TCF20: variants seen among roughly 807,000 people sequenced by gnomAD.
TCF20 encodes the protein transcription factor 20, also known as SPRE-binding protein.
Under a neutral mutation model 148.6 loss-of-function variants are expected in TCF20, and 3 were observed. The ratio of observed to expected loss-of-function variants is 0.02; its 90% CI spans 0.01 to 0.05. The LOEUF (loss-of-function observed/expected upper bound fraction) is 0.05. Among genes scored for constraint, TCF20 ranks in the 10% least tolerant of loss-of-function variants. The pLI is 1.00. For synonymous variants in TCF20, 1,049 were observed against 909.5 expected (o/e 1.15, Z -2.76); for missense variants, 2,350 against 2,429.3 (o/e 0.97, Z 0.69).
At chr22:42,216,682 T>C (rs1921839849) in intron 1 of TCF20, among the ~76,000 whole-genome samples, 1 of 152,206 alleles carries the variant, frequency 6.6e-6, no homozygotes, top group Non-Finnish European at 1.5e-5. Context: ...TCACAGTTAT[T>C]ACTGGCCATT....
chr22:42,256,931 A>G (rs146453058), intron 1 of TCF20, among the ~76,000 whole-genome samples: 167 of 152,286 alleles, frequency 1.1e-3, no homozygotes, highest in African/African-American at 3.9e-3. Flanking sequence ...GGCCTAGGCA[A>G]GAAGATTGCT....
At chr22:42,251,334 C>T (rs938463507) in intron 1 of TCF20, among the ~76,000 whole-genome samples, 10 of 151,866 alleles carry the variant, frequency 6.6e-5, no homozygotes, top group Admixed American at 1.3e-4. Flanking sequence ...TATAGGTGCA[C>T]GCTAGCTTGC....
intron 1 of TCF20, among the ~76,000 whole-genome samples, chr22:42,226,849 A>G (rs1922952247): frequency 2.0e-5 from 3 of 152,242 alleles, no homozygotes; most frequent in Admixed American, 2.0e-4. Flanking sequence ...AAAGCTCAAA[A>G]CAAAAGGAAA....
intron 1 of TCF20, among the ~76,000 whole-genome samples, chr22:42,258,640 C>A (rs1274980548): frequency 6.6e-6 from 1 of 152,166 alleles, no homozygotes; most frequent in Non-Finnish European, 1.5e-5. Context: ...TTCTGCTTCT[C>A]ACTTTTTCAG....
intron 2 of TCF20, among the ~76,000 whole-genome samples, chr22:42,202,670 G>A (rs981332343): frequency 6.6e-6 from 1 of 152,206 alleles, no homozygotes; most frequent in Non-Finnish European, 1.5e-5. Flanking sequence ...AGGGTCCCGC[G>A]AAATTGGCCT....
chr22:42,265,459 C>G (rs1411734605), intron 1 of TCF20, among the ~76,000 whole-genome samples: 1 of 152,164 alleles, frequency 6.6e-6, no homozygotes, highest in South Asian at 2.1e-4. Context: ...CAGGCACCCA[C>G]GTCACATCTG....
At chr22:42,245,027 G>A (rs1169699382) in intron 1 of TCF20, among the ~76,000 whole-genome samples, 1 of 152,056 alleles carries the variant, frequency 6.6e-6, no homozygotes, top group Non-Finnish European at 1.5e-5. Flanking sequence ...AGATTGCAGT[G>A]AGCCGTGATC....
intron 1 of TCF20, among the ~76,000 whole-genome samples, chr22:42,326,126 C>T (rs1247510633): frequency 6.6e-6 from 1 of 152,028 alleles, no homozygotes; most frequent in African/African-American, 2.4e-5. Context: ...AGGAAGGAGC[C>T]ATCCTCTCCT....
Position 42,336,458 on chromosome 22 carries a change from C to T in TCF20, c.-37+7021G>A, listed in dbSNP as rs554114671. On this transcript the variant is annotated intron_variant, in intron 1 of 1. Coordinates refer to the TCF20 transcript ENST00000515426. The stretch of plus-strand genomic sequence containing the variant: ...TTCTCCTGCATGCATCCCAGGCATC[C>T]TATCTGGGCTCTTCCCTCCCCCACC... Among the ~76,000 whole-genome samples the T allele has an allele frequency of 2.0e-4, 31 of 152,154 alleles. No individual in the cohort carries two copies. In the South Asian group the frequency reaches 6.2e-3, roughly 31 times the overall value.
intron 1 of TCF20, among the ~76,000 whole-genome samples, chr22:42,249,849 TAG>T (rs1301629386): frequency 6.6e-6 from 1 of 152,244 alleles, no homozygotes; most frequent in Non-Finnish European, 1.5e-5. Context: ...ATAAATTGTG[TAG>T]AGACTTTTGG....
intron 1 of TCF20, among the ~76,000 whole-genome samples, chr22:42,291,509 A>G (rs571422920): frequency 2.2e-4 from 34 of 152,286 alleles, no homozygotes; most frequent in Non-Finnish European, 5.9e-5. Context: ...CGTCTGGACT[A>G]TGAGCCCTGG....
chr22:42,269,238 G>T (rs1341774352), intron 1 of TCF20, among the ~76,000 whole-genome samples: 1 of 152,080 alleles, frequency 6.6e-6, no homozygotes, highest in African/African-American at 2.4e-5. Flanking sequence ...CAGCCTGTTA[G>T]ATAATAGCTC....
intron 1 of TCF20, among the ~76,000 whole-genome samples, chr22:42,248,366 G>C (rs891948831): frequency 1.3e-5 from 2 of 152,182 alleles, no homozygotes; most frequent in East Asian, 1.9e-4. Context: ...TCTTCCAAAT[G>C]AATGAATCTC....
intron 1 of TCF20, among the ~76,000 whole-genome samples, chr22:42,240,043 T>A (rs958606949): frequency 4.1e-4 from 62 of 152,208 alleles, no homozygotes; most frequent in African/African-American, 1.4e-3. Flanking sequence ...TAGGTGGTAA[T>A]AATAATAGCT....
chr22:42,207,438 A>T (rs1256951871), intron 2 of TCF20, among the ~76,000 whole-genome samples: 1 of 152,148 alleles, frequency 6.6e-6, no homozygotes, highest in Non-Finnish European at 1.5e-5. Context: ...TATTCTACGG[A>T]GAGGACTACA....
chr22:42,270,272 CCCCGG>C (rs1284172740), intron 1 of TCF20, among the ~76,000 whole-genome samples, 62 bp downstream of exon 1: 2 of 151,926 alleles, frequency 1.3e-5, no homozygotes, highest in African/African-American at 4.8e-5. Context: ...AGGCCGGACA[CCCCGG>C]CCCGGCCCCA....
At chr22:42,313,847 G>A (rs143615239) in intron 1 of TCF20, among the ~76,000 whole-genome samples, 52 of 152,238 alleles carry the variant, frequency 3.4e-4, no homozygotes, top group Admixed American at 7.2e-4. Context: ...TGATCTGCCC[G>A]CCTCGGCCTC....
At position 42,331,524 on chromosome 22, in the gene TCF20, C is replaced by T. The variant is rs149292695; in HGVS notation, c.-37+11955G>A. Among the ~76,000 whole-genome samples the T allele has an allele frequency of 1.0e-3, 154 of 152,390 alleles. No homozygotes were observed. The Middle Eastern group carries it at 0.027, about 27-fold the overall frequency. ...CCCATCACCAGCCCTATTCCCAGTG[C>T]CTCCCAGACCCGGGCAACCTTGCCT... On this transcript the variant is annotated intron_variant, in intron 1 of 1. Coordinates refer to the TCF20 transcript ENST00000515426.
chr22:42,248,895 T>C (rs779296742), intron 1 of TCF20, among the ~76,000 whole-genome samples: 2 of 152,178 alleles, frequency 1.3e-5, no homozygotes, highest in Non-Finnish European at 2.9e-5. Context: ...TGGACTTAAT[T>C]TTAGCTATCA....
Sources: allele counts gnomAD v4.1 joint callset (sites outside exome capture counted in the v4.1 genomes callset), GRCh38; gene constraint gnomAD v4.1.1; transcripts MANE v1.5; gene names NCBI Gene and HGNC (gene_info 2026-07-23, HGNC 2026-07-21).